The following ESRRB variants were observed in gnomAD, a reference collection of about 807,000 sequenced individuals.
ESRRB encodes estrogen related receptor beta, also known as steroid hormone receptor ERR2.
ESRRB carries 16 observed loss-of-function variants against 46.0 expected under a neutral mutation model. The ratio of observed to expected loss-of-function variants is 0.35; its 90% CI spans 0.24 to 0.53. ESRRB has a LOEUF of 0.53. Among genes scored for constraint, ESRRB ranks in the 20% least tolerant of loss-of-function variants. The probability of loss-of-function intolerance (pLI) is 0.93; values close to 1 mark genes in which losing one functional copy is unlikely to be tolerated. For missense variants in ESRRB, 488 were observed against 607.4 expected, an observed-to-expected ratio of 0.80 and a Z score of 2.07; for synonymous variants, 246 against 259.6, an observed-to-expected ratio of 0.95 and a Z score of 0.50.
chr14:76,488,195 T>C (rs576943747), intron 5 of ESRRB, among the ~76,000 whole-genome samples: 2 of 152,294 alleles, frequency 1.3e-5, no homozygotes, highest in East Asian at 3.9e-4. Context: ...ATGTCAAATA[T>C]CTCCCCCTCC....
At chr14:76,432,289 C>T (rs903387851) in intron 1 of ESRRB, among the ~76,000 whole-genome samples, 1 of 152,252 alleles carries the variant, frequency 6.6e-6, no homozygotes, top group South Asian at 2.1e-4. Flanking sequence ...CATGGAATCA[C>T]TCAGCCCCAG....
chr14:76,358,413 A>C, intron 1 of ESRRB, among the ~76,000 whole-genome samples: 1 of 143,620 alleles, frequency 7.0e-6, no homozygotes, highest in African/African-American at 2.6e-5. Context: ...GAAAGAAAGA[A>C]AAGAAAAGAA....
At chr14:76,335,494 G>A (rs910862032) in intron 1 of ESRRB, among the ~76,000 whole-genome samples, 1 of 152,232 alleles carries the variant, frequency 6.6e-6, no homozygotes, top group African/African-American at 2.4e-5. Context: ...GAGCTACTAT[G>A]TGCCAGGCAC....
At chr14:76,447,133 C>T (rs1352574658) in intron 2 of ESRRB, among the ~76,000 whole-genome samples, 1 of 152,140 alleles carries the variant, frequency 6.6e-6, no homozygotes, top group Non-Finnish European at 1.5e-5. Context: ...ATGTCTCCTA[C>T]CCCAGGCTCA....
At chr14:76,396,340 T>C (rs1029466536) in intron 1 of ESRRB, among the ~76,000 whole-genome samples, 5 of 152,170 alleles carry the variant, frequency 3.3e-5, no homozygotes, top group African/African-American at 1.2e-4. Context: ...AAGCTCTAAA[T>C]GCTGGGTATA....
At chr14:76,459,749 G>A (rs72731666) in intron 2 of ESRRB, among the ~76,000 whole-genome samples, 4,906 of 152,282 alleles carry the variant, frequency 0.032, 161 homozygotes, top group East Asian at 0.15. Flanking sequence ...AATAGGGCTA[G>A]ACAAAAGCAG....
chr14:76,501,027 C>G lies in ESRRB; in HGVS notation c.*2569C>G. ...CTGGAATCCTGGCCAGATGAGGACC[C>G]TCTCCGGGGAAGGGAGAGGACTGAC... On this transcript the variant is annotated 3_prime_UTR_variant, in exon 7 of 7. Coordinates refer to ENST00000644823, the MANE Select transcript of ESRRB (RefSeq NM_001379180.1). 1 of 474,164 alleles carries G rather than the reference C, an allele frequency of 2.1e-6. No individual in the cohort carries two copies. Among genetic ancestry groups the G allele is most frequent in the Non-Finnish European group, 3.8e-6 (1 of 261,320 alleles). The allele number at this position is 474,164 out of a possible 1,614,324, so 29.4% of individuals were successfully genotyped here. A position where few individuals can be genotyped will look rare whatever the true frequency, so the allele number is the denominator to read the frequency against.
Position 76,359,290 on chromosome 14 carries a change from A to C in ESRRB, c.2+48374A>C, listed in dbSNP as rs1301486757. 2.6e-5 allele frequency among the ~76,000 whole-genome samples: 4 copies of C among 152,352 alleles called. No homozygotes were observed. In the East Asian group the frequency reaches 7.7e-4, roughly 29 times the overall value. ...GCTGGTATTGCTGTCGTCAGGTATGAAAGGTACATAGAGAGAAACCCATTC... is the reference window on the plus strand; with the variant it reads ...GCTGGTATTGCTGTCGTCAGGTATGCAAGGTACATAGAGAGAAACCCATTC... On this transcript the variant is annotated intron_variant, in intron 1 of 6. Transcript: ENST00000512784.
intron 6 of ESRRB, chr14:76,495,302 C>T (rs926634125): frequency 6.6e-6 from 1 of 152,084 alleles, no homozygotes; most frequent in Admixed American, 6.6e-5. Flanking sequence ...GGTCTCCGGA[C>T]TTCTTGCCCC....
intron 2 of ESRRB, among the ~76,000 whole-genome samples, chr14:76,454,885 C>T (rs1335353211): frequency 6.6e-6 from 1 of 152,114 alleles, no homozygotes. Flanking sequence ...TTAGGCCAGG[C>T]ACAGTGGCTC....
At chr14:76,366,086 A>G (rs1181187703) in intron 1 of ESRRB, among the ~76,000 whole-genome samples, 2 of 152,008 alleles carry the variant, frequency 1.3e-5, no homozygotes, top group Non-Finnish European at 2.9e-5. Flanking sequence ...CCTCTCCCCT[A>G]CCTTCAGGGA....
chr14:76,480,629 G>A (rs950513116), intron 3 of ESRRB, among the ~76,000 whole-genome samples: 1 of 152,142 alleles, frequency 6.6e-6, no homozygotes, highest in Admixed American at 6.5e-5. Context: ...ACTTCCCCTT[G>A]CCTGTTCTGG....
intron 2 of ESRRB, among the ~76,000 whole-genome samples, chr14:76,455,817 G>A (rs1888581062): frequency 6.6e-6 from 1 of 152,076 alleles, no homozygotes; most frequent in Non-Finnish European, 1.5e-5. Context: ...GCTGAGGCGG[G>A]TGGATCACCT....
At chr14:76,384,753 A>AG (rs1308310966) in intron 1 of ESRRB, among the ~76,000 whole-genome samples, 13 of 152,128 alleles carry the variant, frequency 8.5e-5, no homozygotes, top group Non-Finnish European at 1.6e-4. Context: ...AGAGAGGACA[A>AG]GGGGGGGTTA....
intron 2 of ESRRB, among the ~76,000 whole-genome samples, chr14:76,445,256 G>A (rs1230549812): frequency 4.0e-5 from 6 of 150,526 alleles, no homozygotes; most frequent in East Asian, 2.0e-4. Context: ...GATTACCTAA[G>A]ATCAGGTGTT....
intron 3 of ESRRB, among the ~76,000 whole-genome samples, chr14:76,474,020 C>A (rs1889476800): frequency 6.6e-6 from 1 of 152,272 alleles, no homozygotes; most frequent in African/African-American, 2.4e-5. Context: ...GTTATGACTG[C>A]AGCCAAGGGT....
rs1162166065 is a variant in ESRRB, at chr14:76,376,361, G to T, written c.-41G>T. 5 of 1,224,506 alleles carry T rather than the reference G, an allele frequency of 4.1e-6. No homozygotes were observed. Among genetic ancestry groups the T allele is most frequent in the Admixed American group, 4.2e-5 (1 of 23,678 alleles). 75.9% of individuals were successfully genotyped at this position (1,224,506 alleles called of 1,614,324 possible). ...ACTCGCTCTTCCGCGTGATTTCCCC[G>T]CCGTCTTTCTCTACCAACTGGGAAT... On this transcript the variant is annotated 5_prime_UTR_variant, in exon 1 of 7. Coordinates refer to ENST00000644823, the MANE Select transcript of ESRRB (RefSeq NM_001379180.1). The surrounding 1 kb of genome is among the most constrained non-coding windows in gnomAD (Gnocchi z 4.1).
At chr14:76,458,831 C>A (rs889794348) in intron 2 of ESRRB, among the ~76,000 whole-genome samples, 1 of 149,554 alleles carries the variant, frequency 6.7e-6, no homozygotes, top group Non-Finnish European at 1.5e-5. Flanking sequence ...GGATTCTGTT[C>A]ACCCTCTCCT....
At chr14:76,476,305 T>C (rs1889583256) in intron 3 of ESRRB, among the ~76,000 whole-genome samples, 1 of 152,232 alleles carries the variant, frequency 6.6e-6, no homozygotes, top group Non-Finnish European at 1.5e-5. Flanking sequence ...TTTATTGCAG[T>C]ATTTGGAAAT....
Sources: gnomAD v4.1 joint callset for allele counts (sites outside exome capture counted in the v4.1 genomes callset) on GRCh38, gnomAD v4.1.1 for gene constraint, Gnocchi (gnomAD v3.1) non-coding constraint, MANE v1.5 for transcripts, NCBI Gene and HGNC (gene_info 2026-07-23, HGNC 2026-07-21) for gene names.